VEPH1: variants seen among roughly 807,000 people sequenced by gnomAD.
VEPH1 encodes ventricular zone-expressed PH domain-containing protein homolog 1.
Under a neutral mutation model 85.2 loss-of-function variants are expected in VEPH1, and 80 were observed. The observed-to-expected ratio is 0.94, with a 90% confidence interval of 0.78 to 1.13. The LOEUF is 1.13. VEPH1 is among the 50% of genes most tolerant of loss of function. VEPH1 has a pLI of 0.00. For missense variants in VEPH1, 955 were observed against 980.5 expected, an observed-to-expected ratio of 0.97 and a Z score of 0.35; for synonymous variants, 297 against 348.0, an observed-to-expected ratio of 0.85 and a Z score of 1.63.
At chr3:157,302,676 A>G (rs1238189206) in intron 11 of VEPH1, among the ~76,000 whole-genome samples, 1 of 152,206 alleles carries the variant, frequency 6.6e-6, no homozygotes, top group Admixed American at 6.5e-5. Context: ...GTATTTTGTT[A>G]TAGCAGCCCA....
At chr3:157,457,331 G>T (rs1735468118) in intron 4 of VEPH1, among the ~76,000 whole-genome samples, 1 of 152,168 alleles carries the variant, frequency 6.6e-6, no homozygotes. Context: ...TACAAATAGG[G>T]ATAGTTTGAC....
intron 9 of VEPH1, among the ~76,000 whole-genome samples, chr3:157,362,370 T>C (rs1402250199): frequency 6.6e-6 from 1 of 152,178 alleles, no homozygotes; most frequent in African/African-American, 2.4e-5. Context: ...TTTGTGTGCC[T>C]GAGGAAGGTC....
At chr3:157,422,201 A>G (rs1221023667) in intron 5 of VEPH1, among the ~76,000 whole-genome samples, 2 of 152,124 alleles carry the variant, frequency 1.3e-5, no homozygotes, top group East Asian at 3.9e-4. Flanking sequence ...TGAGGCCCAG[A>G]TGGTTTTAGG....
intron 4 of VEPH1, among the ~76,000 whole-genome samples, chr3:157,430,204 C>T (rs1004197029): frequency 1.3e-4 from 20 of 152,124 alleles, no homozygotes; most frequent in Non-Finnish European, 2.9e-5. Context: ...CAACCATCAT[C>T]CTAAAGGGAG....
intron 12 of VEPH1, among the ~76,000 whole-genome samples, chr3:157,278,269 G>A (rs188438224): frequency 6.6e-6 from 1 of 152,260 alleles, no homozygotes; most frequent in East Asian, 1.9e-4. Context: ...TAATAAGAAG[G>A]CTAAGATCTA....
At position 157,460,335 on chromosome 3, in the gene VEPH1, C is replaced by T. The variant is rs753217815; in HGVS notation, c.375G>A (p.Val125=). The stretch of plus-strand genomic sequence containing the variant: ...CTGCAATGGGGATGGCTAATGCCAT[C>T]ACTGGGGGTCGGTTGTAATTCTGAG... ...CILQNYNRPP[V]MALAIPIAVK... The change falls in exon 4 of 14, where the codon GTG becomes GTA. Residue 125 remains valine (V), a synonymous_variant. Transcript: ENST00000362010. 146 of 1,612,844 alleles carry T rather than the reference C, an allele frequency of 9.1e-5. 1 individual carries two copies. Among genetic ancestry groups the T allele is most frequent in the Non-Finnish European group, 1.2e-4 (143 of 1,179,120 alleles).
intron 4 of VEPH1, among the ~76,000 whole-genome samples, chr3:157,449,773 T>C (rs1734818119): frequency 6.6e-6 from 1 of 152,172 alleles, no homozygotes; most frequent in Admixed American, 6.5e-5. Context: ...ATTTACATCT[T>C]TGCCACATCA....
chr3:157,268,293 G>C (rs1258947461), intron 12 of VEPH1, among the ~76,000 whole-genome samples: 1 of 152,122 alleles, frequency 6.6e-6, no homozygotes, highest in Non-Finnish European at 1.5e-5. Context: ...TGCCGGGCTA[G>C]AGCCTCAGTA....
At position 157,381,050 on chromosome 3, in the gene VEPH1, G is replaced by C. The variant is rs549834963; in HGVS notation, c.1127+106C>G. 1.3e-5 allele frequency: 15 copies of C among 1,117,030 alleles called. No individual in the cohort carries two copies. The African/African-American group carries it at 1.9e-4, about 14-fold the overall frequency. 69.2% of individuals were successfully genotyped at this position (1,117,030 alleles called of 1,614,324 possible). ...TTATACAGATATTATTCTCTGTTGA[G>C]ATACAGGTTTTAGCTTCCTTTGGAA... On this transcript the variant is annotated intron_variant, in intron 7 of 13. Transcript: ENST00000362010.
intron 6 of VEPH1, among the ~76,000 whole-genome samples, chr3:157,399,984 G>A (rs1449985491): frequency 1.3e-5 from 2 of 151,494 alleles, no homozygotes; most frequent in Non-Finnish European, 2.9e-5. Flanking sequence ...TATCAGCTTG[G>A]GGTAATTGAA....
chr3:157,478,307 C>T (rs888806842), intron 2 of VEPH1, among the ~76,000 whole-genome samples: 1 of 152,052 alleles, frequency 6.6e-6, no homozygotes, highest in African/African-American at 2.4e-5. Flanking sequence ...CAAATTTTTC[C>T]TCTGCCCAAT....
chr3:157,267,947 C>A (rs1355051594), intron 12 of VEPH1, among the ~76,000 whole-genome samples: 1 of 152,162 alleles, frequency 6.6e-6, no homozygotes, highest in African/African-American at 2.4e-5. Flanking sequence ...TGATCTGACA[C>A]CTCAGTGATA....
chr3:157,459,683 T>C, intron 4 of VEPH1: 1 of 1,388,712 alleles, frequency 7.2e-7, no homozygotes, highest in South Asian at 1.8e-5. Context: ...AACAGAGGTG[T>C]ACTATTTGGC....
At chr3:157,351,996 C>G (rs1273255446) in intron 9 of VEPH1, among the ~76,000 whole-genome samples, 1 of 152,158 alleles carries the variant, frequency 6.6e-6, no homozygotes, top group East Asian at 1.9e-4. Flanking sequence ...AATAATTGCT[C>G]TATTGTTATG....
intron 9 of VEPH1, among the ~76,000 whole-genome samples, chr3:157,360,087 C>A (rs1299219443): frequency 6.6e-6 from 1 of 152,090 alleles, no homozygotes; most frequent in East Asian, 1.9e-4. Context: ...AAGCCTAAAT[C>A]TTTTTTAAAT....
chr3:157,409,792 C>G, intron 6 of VEPH1: 6 of 985,336 alleles, frequency 6.1e-6, no homozygotes, highest in Non-Finnish European at 7.2e-6. Context: ...GAGGCATAAG[C>G]CAATCAATAA....
In VEPH1 at chr3:157,454,490, C is replaced by T. The variant is rs531560530; in HGVS notation, c.529+5691G>A. Among the ~76,000 whole-genome samples, 4 of 152,226 alleles carry T rather than the reference C, an allele frequency of 2.6e-5. No homozygotes were observed. The East Asian group carries it at 7.7e-4, about 29-fold the overall frequency. On this transcript the variant is annotated intron_variant, in intron 4 of 13. Transcript: ENST00000362010. The stretch of plus-strand genomic sequence containing the variant: ...GAACAAAACTTTAGTTCTTGGAAGG[C>T]AATAGGCATTTTGAGAATTAAAGTA...
intron 2 of VEPH1, among the ~76,000 whole-genome samples, chr3:157,486,480 T>C (rs951480619): frequency 8.3e-5 from 10 of 120,406 alleles, no homozygotes; most frequent in Non-Finnish European, 1.7e-4. Context: ...AGCAAGACTC[T>C]GACTCAAAAA....
chr3:157,477,451 C>T (rs1023320031), intron 2 of VEPH1, among the ~76,000 whole-genome samples: 2 of 151,998 alleles, frequency 1.3e-5, no homozygotes, highest in African/African-American at 4.8e-5. Context: ...TGTAAGATTA[C>T]ATTCACAGGT....
Sources: allele counts gnomAD v4.1 joint callset (sites outside exome capture counted in the v4.1 genomes callset), GRCh38; gene constraint gnomAD v4.1.1; transcripts MANE v1.5; gene names NCBI Gene and HGNC (gene_info 2026-07-23, HGNC 2026-07-21).